ODAD1: variants seen among roughly 807,000 people sequenced by gnomAD.
ODAD1 encodes outer dynein arm-docking complex subunit 1.
ODAD1 carries 49 observed loss-of-function variants against 67.2 expected under a neutral mutation model. That is an observed-to-expected ratio of 0.73 (90% confidence interval 0.58 to 0.92). The LOEUF (loss-of-function observed/expected upper bound fraction) is 0.92, where lower values mean the gene tolerates loss of function less well. Ranked by LOEUF, ODAD1 falls within the 40% of genes least tolerant of loss-of-function variation. The pLI is 0.00. For missense variants in ODAD1, 897 were observed against 953.7 expected (o/e 0.94, Z 0.78); for synonymous variants, 345 against 393.7 (o/e 0.88, Z 1.46).
chr19:48,312,412 G>GTTTTTTTTTTTTT (rs528076931), intron 5 of ODAD1, among the ~76,000 whole-genome samples: 3 of 76,944 alleles, frequency 3.9e-5, no homozygotes, highest in African/African-American at 5.2e-5. Context: ...TTTTTTTTTT[G>GTTTTTTTTTTTTT]TTTTTTTTTT....
At position 48,297,405 on chromosome 19, in the gene ODAD1, G is replaced by A; in HGVS notation, c.1695C>T (p.Ser565=). 6.2e-7 allele frequency: 1 copy of A among 1,605,962 alleles called. No homozygotes were observed. The highest frequency in any genetic ancestry group is 8.5e-7 in the Non-Finnish European group (1 of 1,179,850). ...GCCTGGTGGGCACCAGGACGGTACT[G>A]GAGCCGGCCCTCTGGGTGCTGGCCA... The part of the protein sequence containing the change: ...VDLASTQRAG[S]STVLVPTRHP... Residue 565 remains serine, a synonymous_variant, in exon 16 of 16, where the codon TCC becomes TCT. Transcript: ENST00000674294.
intron 12 of ODAD1, among the ~76,000 whole-genome samples, chr19:48,302,236 A>G (rs532272976): frequency 6.6e-6 from 1 of 152,038 alleles, no homozygotes; most frequent in Admixed American, 6.6e-5. Context: ...GGAGGGATAG[A>G]CCCTGGATGG....
intron 14 of ODAD1, 95 bp from the exon 15 acceptor site, chr19:48,297,763 T>TC (rs1968342811): frequency 1.8e-6 from 2 of 1,135,666 alleles, no homozygotes; most frequent in African/African-American, 1.6e-5. Flanking sequence ...TCAGCCATTC[T>TC]CCCACCAGCC....
chr19:48,311,771 G>A, intron 6 of ODAD1, 105 bp from the exon 7 acceptor site: 1 of 840,250 alleles, frequency 1.2e-6, no homozygotes, highest in Non-Finnish European at 2.0e-6. Context: ...GGGCCGGCCT[G>A]TTTCCTGAGA....
intron 7 of ODAD1, among the ~76,000 whole-genome samples, chr19:48,307,338 C>T (rs1423256821): frequency 6.6e-6 from 1 of 152,174 alleles, no homozygotes; most frequent in Non-Finnish European, 1.5e-5. Flanking sequence ...TGCCTGTAAT[C>T]CCAATACTTT....
chr19:48,298,095 G>C lies in ODAD1; in HGVS notation c.1407C>G (p.Ser469Arg), dbSNP rs745426106. Residue 469 changes from serine (S) to arginine (R), a missense_variant and splice_region_variant, in exon 14 of 16, where the codon AGC becomes AGG. By Grantham distance (110) the Ser-to-Arg change is moderately radical. Coordinates refer to ENST00000674294, the MANE Select transcript of ODAD1 (RefSeq NM_001364171.2). ...GGGCAGCGTCGGCCAGGGAGGTGAA[G>C]CTCTGGAGAGTGTGGGAGCCTGCGG... is the stretch of plus-strand genomic sequence containing the variant. ...LTVQAFLHAQ[S>R]FTSLADAALL... The C allele has an allele frequency of 8.0e-5, 129 of 1,613,204 alleles. No homozygotes were observed. Among genetic ancestry groups the C allele is most frequent in the Non-Finnish European group, 1.1e-4 (129 of 1,179,794 alleles).
rs764082310 is a variant in ODAD1 at position 48,297,382 on chromosome 19, C to CTGG, written c.1715_1717dup (p.Thr572dup). ...GGACCCGGGGATGGCATGGGGGTGC[C>CTGG]TGGTGGGCACCAGGACGGTACTGGA... On this transcript the variant is annotated inframe_insertion, in exon 16 of 16. Transcript: ENST00000674294. The CTGG allele has an allele frequency of 6.2e-7, 1 of 1,608,026 alleles. No individual in the cohort carries two copies. Among genetic ancestry groups the CTGG allele is most frequent in the Non-Finnish European group, 8.5e-7 (1 of 1,179,926 alleles).
chr19:48,302,233 T>C (rs1968483404), intron 12 of ODAD1, among the ~76,000 whole-genome samples: 1 of 151,652 alleles, frequency 6.6e-6, no homozygotes, highest in Non-Finnish European at 1.5e-5. Context: ...AATGGAGGGA[T>C]AGACCCTGGA....
In ODAD1 at chr19:48,296,850, C is replaced by CAAAAAGACAGAGGCCTGCCACTGGGAG; in HGVS notation, c.*99_*125dup. ...GGGCAGATGAAAACAGTTGAAGGGG[C>CAAAAAGACAGAGGCCTGCCACTGGGAG]AAAAAGACAGAGGCCTGCCACTGGG... On this transcript the variant is annotated 3_prime_UTR_variant, in exon 16 of 16. Transcript: ENST00000674294. The CAAAAAGACAGAGGCCTGCCACTGGGAG allele has an allele frequency of 5.6e-6, 8 of 1,433,906 alleles. No homozygotes were observed. Among genetic ancestry groups the CAAAAAGACAGAGGCCTGCCACTGGGAG allele is most frequent in the East Asian group, 2.5e-5 (1 of 39,850 alleles). The allele number at this position is 1,433,906 out of a possible 1,614,324, so 88.8% of individuals were successfully genotyped here.
Position 48,297,896 on chromosome 19 carries a change from G to A in ODAD1, c.1502+104C>T, listed in dbSNP as rs919555901. ...ATTCTAACCCCCCAGGGCCACATCC[G>A]CCAGCCAGTCCCCAAAAGCCCCCCA... On this transcript the variant is annotated intron_variant, in intron 14 of 15. Coordinates refer to ENST00000674294, the MANE Select transcript of ODAD1 (RefSeq NM_001364171.2). 27 of 952,540 alleles carry A rather than the reference G, an allele frequency of 2.8e-5. No individual in the cohort carries two copies. The African/African-American group carries it at 3.2e-4, about 11-fold the overall frequency. The allele number at this position is 952,540 out of a possible 1,614,324, so 59.0% of individuals were successfully genotyped here.
rs1165168103 is a variant in ODAD1 at position 48,298,086 on chromosome 19, G to GA, written c.1415_1416insT (p.Leu473ProfsTer27). On this transcript the variant is annotated frameshift_variant, in exon 14 of 16. Coordinates refer to ENST00000674294, the MANE Select transcript of ODAD1 (RefSeq NM_001364171.2). LOFTEE classifies it high-confidence loss of function. ...GCACTAGGAGGGCAGCGTCGGCCAG[G>GA]GAGGTGAAGCTCTGGAGAGTGTGGG... 6.2e-7 allele frequency: 1 copy of GA among 1,613,228 alleles called. No individual in the cohort carries two copies. The highest frequency in any genetic ancestry group is 1.1e-5 in the South Asian group (1 of 91,068).
chr19:48,301,298 G>A (rs2147313074), intron 12 of ODAD1, among the ~76,000 whole-genome samples: 1 of 152,290 alleles, frequency 6.6e-6, no homozygotes, highest in Admixed American at 6.5e-5. Flanking sequence ...AGACCCATCG[G>A]TCCCACTGCT....
In ODAD1 at chr19:48,318,463, C is replaced by G. The variant is rs1002779676; in HGVS notation, c.284G>C (p.Arg95Pro). 1 of 1,551,636 alleles carries G rather than the reference C, an allele frequency of 6.4e-7. No homozygotes were observed. The highest frequency in any genetic ancestry group is 8.7e-7 in the Non-Finnish European group (1 of 1,146,982). The part of the protein sequence containing the change: ...RDSQRLENMD[R>P]LLKGRAQVQA... Reference sequence around the variant, plus strand: ...CACCTGGGCCCGGCCCTTCAGCAGGCGGTCCATGTTCTCCAGCCGCTGACT... The same window carrying G: ...CACCTGGGCCCGGCCCTTCAGCAGGGGGTCCATGTTCTCCAGCCGCTGACT... The change falls in exon 5 of 16, where the codon CGC (arginine) becomes CCC (proline). Residue 95 changes from arginine to proline, a missense_variant. By Grantham distance (103) the Arg-to-Pro change is moderately radical. Coordinates refer to ENST00000674294, the MANE Select transcript of ODAD1 (RefSeq NM_001364171.2).
intron 12 of ODAD1, among the ~76,000 whole-genome samples, chr19:48,299,373 T>TGCTC (rs1480682073): frequency 6.6e-6 from 1 of 152,072 alleles, no homozygotes; most frequent in African/African-American, 2.4e-5. Flanking sequence ...ATCACACCAC[T>TGCTC]GCTCTCCAGC....
chr19:48,298,381 C>A, intron 12 of ODAD1, 41 bp from the exon 13 acceptor site: 1 of 1,603,052 alleles, frequency 6.2e-7, no homozygotes, highest in Non-Finnish European at 8.5e-7. Flanking sequence ...CTGGCACCGC[C>A]AGCTGGGTGC....
intron 14 of ODAD1, 134 bp downstream of exon 14, chr19:48,297,866 T>G: frequency 1.2e-6 from 1 of 853,074 alleles, no homozygotes; most frequent in Non-Finnish European, 1.8e-6. Flanking sequence ...AAGCACATAC[T>G]TCATATTCTA....
At position 48,312,012 on chromosome 19, in the gene ODAD1, T is replaced by G; in HGVS notation, c.465A>C (p.Leu155=). 1 of 1,551,444 alleles carries G rather than the reference T, an allele frequency of 6.4e-7. No homozygotes were observed. Among genetic ancestry groups the G allele is most frequent in the Non-Finnish European group, 8.7e-7 (1 of 1,146,840 alleles). ...KVKIRRRIRI[L]ENQLDRVTCH... Reference sequence around the variant, plus strand: ...CCCTCACCCTGTCCAACTGGTTTTCTAGGATCCTGATCCTTCGCCTGATCT... The same window carrying G: ...CCCTCACCCTGTCCAACTGGTTTTCGAGGATCCTGATCCTTCGCCTGATCT... The change falls in exon 6 of 16, where the codon CTA becomes CTC. Residue 155 remains leucine, a synonymous_variant. Coordinates refer to ENST00000674294, the MANE Select transcript of ODAD1 (RefSeq NM_001364171.2).
chr19:48,307,197 A>AAAAGAAAG (rs374738840), intron 7 of ODAD1, among the ~76,000 whole-genome samples: 8 of 152,018 alleles, frequency 5.3e-5, no homozygotes, highest in African/African-American at 1.9e-4. Context: ...AAGAAAAAAA[A>AAAAGAAAG]AAAGAAAGAA....
intron 3 of ODAD1, chr19:48,320,076 C>T: frequency 1.9e-6 from 2 of 1,068,384 alleles, no homozygotes; most frequent in South Asian, 2.2e-5. Flanking sequence ...GAGTTCTGGG[C>T]CCCACTCAAA....
Sources: gnomAD v4.1 joint callset for allele counts (sites outside exome capture counted in the v4.1 genomes callset) on GRCh38, gnomAD v4.1.1 for gene constraint, MANE v1.5 for transcripts, NCBI Gene and HGNC (gene_info 2026-07-23, HGNC 2026-07-21) for gene names.